Variants in NXPE2 observed in about 807,000 individuals in gnomAD.
NXPE2 encodes neurexophilin and PC-esterase domain family member 2, also known as NXPE family member 2.
A neutral mutation model predicts 34.4 loss-of-function variants in NXPE2; 34 were observed. The ratio of observed to expected loss-of-function variants is 0.99; its 90% CI spans 0.75 to 1.31. The LOEUF is 1.31. Among genes scored for constraint, NXPE2 ranks in the 40% most tolerant of loss-of-function variants. The pLI is 0.00. For synonymous variants in NXPE2, 235 were observed against 231.3 expected (o/e 1.02, Z -0.15); for missense variants, 649 against 672.5 (o/e 0.97, Z 0.39).
the NXPE2 span, among the ~76,000 whole-genome samples, chr11:114,630,969 A>G: frequency 4.6e-5 from 7 of 150,968 alleles, no homozygotes; most frequent in Non-Finnish European, 8.9e-5. Flanking sequence ...CAAAACCACA[A>G]TGAGATACCA....
At chr11:114,655,551 A>G in the NXPE2 span, among the ~76,000 whole-genome samples, 286 of 152,300 alleles carry the variant, frequency 1.9e-3, 2 homozygotes, top group African/African-American at 5.5e-3. Flanking sequence ...ATGGCTAGCC[A>G]GTTTTCCCAG....
chr11:114,601,875 T>C, the NXPE2 span, among the ~76,000 whole-genome samples: 1 of 3,828 alleles, frequency 2.6e-4, no homozygotes, highest in Admixed American at 8.9e-3. Context: ...TTATATATAT[T>C]ATATATAATT....
chr11:114,794,876 G>GTAAC, the NXPE2 span, among the ~76,000 whole-genome samples: 1 of 149,224 alleles, frequency 6.7e-6, no homozygotes, highest in African/African-American at 2.5e-5. Context: ...ATCCTGAGGA[G>GTAAC]TAACTCATTC....
chr11:114,653,532 C>CTTTTT, the NXPE2 span, among the ~76,000 whole-genome samples: 2 of 125,218 alleles, frequency 1.6e-5, no homozygotes, highest in South Asian at 5.3e-4. Context: ...TCCTGCTTTC[C>CTTTTT]CTTTTTTTTT....
chr11:114,732,059 C>T, the NXPE2 span, among the ~76,000 whole-genome samples: 1 of 152,116 alleles, frequency 6.6e-6, no homozygotes, highest in Non-Finnish European at 1.5e-5. Context: ...CTCCAATGTT[C>T]TTACATTTTA....
chr11:114,623,811 C>A, the NXPE2 span, among the ~76,000 whole-genome samples: 2 of 152,130 alleles, frequency 1.3e-5, no homozygotes, highest in Non-Finnish European at 2.9e-5. Flanking sequence ...ACAAGAATTG[C>A]CTCGTGGGTA....
At chr11:114,680,666 T>C (rs936812102) in intron 2 of NXPE2, among the ~76,000 whole-genome samples, 10 of 152,134 alleles carry the variant, frequency 6.6e-5, no homozygotes, top group African/African-American at 2.2e-4. Flanking sequence ...CCTGTTCTTA[T>C]ACCTGTGTGT....
At chr11:114,562,594 CTG>C in the NXPE2 span, among the ~76,000 whole-genome samples, 4 of 152,210 alleles carry the variant, frequency 2.6e-5, no homozygotes, top group African/African-American at 4.8e-5. Flanking sequence ...TTCCTAGACT[CTG>C]TAACAACTTT....
the NXPE2 span, among the ~76,000 whole-genome samples, chr11:114,557,282 A>C: frequency 6.6e-6 from 1 of 152,092 alleles, no homozygotes; most frequent in African/African-American, 2.4e-5. Context: ...CTACTTTAAT[A>C]ATTTCTACTC....
chr11:114,649,426 A>G, the NXPE2 span, among the ~76,000 whole-genome samples: 1 of 152,220 alleles, frequency 6.6e-6, no homozygotes, highest in Admixed American at 6.5e-5. Flanking sequence ...CTACTAGTAC[A>G]TGTTAGCATA....
the NXPE2 span, among the ~76,000 whole-genome samples, chr11:114,567,978 G>A: frequency 1.3e-5 from 2 of 151,736 alleles, no homozygotes; most frequent in East Asian, 3.9e-4. Context: ...TATATATACT[G>A]GCCAATCATC....
the NXPE2 span, among the ~76,000 whole-genome samples, chr11:114,557,454 AT>A: frequency 6.6e-6 from 1 of 151,528 alleles, no homozygotes; most frequent in African/African-American, 2.4e-5. Context: ...AGTTCTAGAA[AT>A]ATTTATTTTA....
the NXPE2 span, among the ~76,000 whole-genome samples, chr11:114,658,636 T>C: frequency 6.6e-6 from 1 of 152,110 alleles, no homozygotes; most frequent in South Asian, 2.1e-4. Context: ...AAGATCCCTG[T>C]GGTTGGGAAA....
intron 2 of NXPE2, 61 bp downstream of exon 2, chr11:114,679,823 C>A: frequency 2.1e-6 from 2 of 943,068 alleles, no homozygotes; most frequent in Non-Finnish European, 3.3e-6. Flanking sequence ...TTGAATGACC[C>A]CCTTTATCAT....
the NXPE2 span, among the ~76,000 whole-genome samples, chr11:114,773,741 T>A: frequency 6.6e-6 from 1 of 152,210 alleles, no homozygotes; most frequent in Non-Finnish European, 1.5e-5. Flanking sequence ...GGGTGAGGAT[T>A]ATCCTATCTG....
At chr11:114,583,948 T>G in the NXPE2 span, 3 of 390,562 alleles carry the variant, frequency 7.7e-6, no homozygotes, top group Non-Finnish European at 1.5e-5. Flanking sequence ...TAGATGGGAT[T>G]GATGATGAGT....
chr11:114,732,520 A>G, the NXPE2 span, among the ~76,000 whole-genome samples: 1 of 152,090 alleles, frequency 6.6e-6, no homozygotes, highest in African/African-American at 2.4e-5. Flanking sequence ...TGGAAACCCA[A>G]CCTGTGACAC....
chr11:114,464,729 A>G, the NXPE2 span, among the ~76,000 whole-genome samples: 4 of 152,234 alleles, frequency 2.6e-5, no homozygotes, highest in African/African-American at 9.6e-5. Flanking sequence ...TTGCATTAAT[A>G]TGAAGAATTT....
the NXPE2 span, among the ~76,000 whole-genome samples, chr11:114,475,780 T>G: frequency 5.2e-3 from 790 of 152,328 alleles, 6 homozygotes; most frequent in African/African-American, 0.018. Flanking sequence ...TTGCTGCACT[T>G]TCATCCTTTT....
Sources: allele counts gnomAD v4.1 joint callset (sites outside exome capture counted in the v4.1 genomes callset), GRCh38; gene constraint gnomAD v4.1.1; transcripts MANE v1.5; gene names NCBI Gene and HGNC (gene_info 2026-07-23, HGNC 2026-07-21).